Variants in NRG1 observed in about 807,000 individuals in gnomAD.
NRG1 encodes the protein neuregulin 1, also known as pro-neuregulin-1, membrane-bound isoform.
A neutral mutation model predicts 63.8 loss-of-function variants in NRG1; 18 were observed. The observed-to-expected ratio is 0.28, with a 90% CI of 0.19 to 0.42. NRG1 has a LOEUF of 0.42. Ranked by LOEUF, NRG1 falls within the 10% of genes least tolerant of loss-of-function variation. NRG1 has a pLI of 1.00. For missense variants in NRG1, 762 were observed against 814.7 expected (o/e 0.94, Z 0.79); for synonymous variants, 302 against 301.3 (o/e 1.00, Z -0.02).
intron 1 of NRG1, among the ~76,000 whole-genome samples, chr8:32,378,866 G>A (rs1032501092): frequency 3.3e-5 from 5 of 150,312 alleles, no homozygotes; most frequent in Non-Finnish European, 5.9e-5. Context: ...GAGAAAATGC[G>A]GTGTTTGGCT....
intron 1 of NRG1, among the ~76,000 whole-genome samples, chr8:31,995,411 G>T (rs1187658263): frequency 6.6e-6 from 1 of 151,854 alleles, no homozygotes; most frequent in Admixed American, 6.6e-5. Context: ...TTTCACTAAT[G>T]AATTTAGGCA....
intron 1 of NRG1, among the ~76,000 whole-genome samples, chr8:32,463,851 A>C (rs1382584470): frequency 7.3e-6 from 1 of 136,980 alleles, no homozygotes. Flanking sequence ...CTTCACACAC[A>C]CACACGAAAA....
intron 1 of NRG1, among the ~76,000 whole-genome samples, chr8:32,146,093 A>T (rs968686817): frequency 3.3e-5 from 5 of 152,210 alleles, no homozygotes; most frequent in African/African-American, 1.2e-4. Flanking sequence ...CAAATGGGAA[A>T]TCTAATTGCC....
At chr8:31,797,782 C>T (rs1180310434) in intron 1 of NRG1, among the ~76,000 whole-genome samples, 2 of 152,154 alleles carry the variant, frequency 1.3e-5, no homozygotes, top group Non-Finnish European at 2.9e-5. Context: ...GATATAGAAT[C>T]CACCTAGGTG....
chr8:32,265,580 C>A (rs1850843043), intron 1 of NRG1, among the ~76,000 whole-genome samples: 1 of 152,078 alleles, frequency 6.6e-6, no homozygotes, highest in Non-Finnish European at 1.5e-5. Flanking sequence ...CAATAGCTCA[C>A]ACCTATAATC....
chr8:31,826,479 T>C (rs1490485594), intron 1 of NRG1, among the ~76,000 whole-genome samples: 1 of 152,212 alleles, frequency 6.6e-6, no homozygotes, highest in Non-Finnish European at 1.5e-5. Flanking sequence ...TGCTCCTCCT[T>C]CGTCTTCCGC....
intron 1 of NRG1, among the ~76,000 whole-genome samples, chr8:31,875,273 A>G (rs1829823065): frequency 6.6e-6 from 1 of 152,166 alleles, no homozygotes; most frequent in African/African-American, 2.4e-5. Context: ...GGGCAACTGT[A>G]TTCTCCGAAT....
intron 1 of NRG1, among the ~76,000 whole-genome samples, chr8:31,779,778 A>T (rs889138370): frequency 6.6e-6 from 1 of 152,226 alleles, no homozygotes; most frequent in African/African-American, 2.4e-5. Context: ...GCCTTTAGGC[A>T]AATTATTAAA....
intron 1 of NRG1, among the ~76,000 whole-genome samples, chr8:32,048,183 C>G (rs1821319867): frequency 6.6e-6 from 1 of 151,566 alleles, no homozygotes; most frequent in South Asian, 2.1e-4. Context: ...CATATCTTGA[C>G]TATTGTGAAT....
intron 1 of NRG1, among the ~76,000 whole-genome samples, chr8:31,749,921 T>C (rs551489745): frequency 2.4e-4 from 37 of 151,992 alleles, no homozygotes; most frequent in South Asian, 1.2e-3. Context: ...AATTCATGCC[T>C]CTGCATAATA....
At chr8:32,656,030 T>G (rs1440872364) in intron 5 of NRG1, among the ~76,000 whole-genome samples, 2 of 152,150 alleles carry the variant, frequency 1.3e-5, no homozygotes, top group Non-Finnish European at 2.9e-5. Context: ...ATGAGTTGTT[T>G]TCAGCATTTG....
At chr8:32,211,590 A>T (rs1314531801) in intron 1 of NRG1, among the ~76,000 whole-genome samples, 1 of 152,186 alleles carries the variant, frequency 6.6e-6, no homozygotes, top group African/African-American at 2.4e-5. Flanking sequence ...AAAATTGTCC[A>T]GTCTAATGGG....
At chr8:32,547,590 A>AC (rs1833208040), upstream of NRG1, among the ~76,000 whole-genome samples, 120 of 148,492 alleles carry the variant, frequency 8.1e-4, no homozygotes, top group African/African-American at 2.8e-3. Context: ...GCACTTACTA[A>AC]ACACACACAC....
chr8:32,003,043 G>C (rs1211294565), intron 1 of NRG1, among the ~76,000 whole-genome samples: 1 of 152,004 alleles, frequency 6.6e-6, no homozygotes, highest in Non-Finnish European at 1.5e-5. Context: ...TTATCAACTA[G>C]AGAGTTTGAG....
intron 1 of NRG1, among the ~76,000 whole-genome samples, chr8:32,429,744 C>T (rs1817895920): frequency 1.3e-5 from 2 of 152,158 alleles, no homozygotes; most frequent in African/African-American, 2.4e-5. Context: ...AGACACTGGA[C>T]ATCCTACATC....
Position 32,759,291 on chromosome 8 carries a change from T to C in NRG1, c.922-15T>C. The C allele has an allele frequency of 6.2e-7, 1 of 1,611,414 alleles. No individual in the cohort carries two copies. Among genetic ancestry groups the C allele is most frequent in the Non-Finnish European group, 8.5e-7 (1 of 1,178,644 alleles). On this transcript the variant is annotated splice_polypyrimidine_tract_variant and intron_variant, in intron 9 of 11. Transcript: ENST00000356819. ...TCTACGTGAATCTTCAAGTTGTGTC[T>C]CTTTGTTTATCCAGCAATACGTATC...
At chr8:32,106,147 C>G (rs1388840546) in intron 1 of NRG1, among the ~76,000 whole-genome samples, 1 of 152,180 alleles carries the variant, frequency 6.6e-6, no homozygotes, top group Non-Finnish European at 1.5e-5. Context: ...TCTGTAAACA[C>G]CTGTGGAATC....
At chr8:32,498,794 G>T (rs894804243) in intron 1 of NRG1, among the ~76,000 whole-genome samples, 2 of 152,138 alleles carry the variant, frequency 1.3e-5, no homozygotes, top group African/African-American at 4.8e-5. Flanking sequence ...CTGATGGTGT[G>T]GGGGAGAGGG....
chr8:32,181,791 G>A (rs1585897646), intron 1 of NRG1, among the ~76,000 whole-genome samples: 1 of 152,046 alleles, frequency 6.6e-6, no homozygotes, highest in Non-Finnish European at 1.5e-5. Context: ...AGATAAAAAT[G>A]TATTACAGAG....
Sources: allele counts gnomAD v4.1 joint callset (sites outside exome capture counted in the v4.1 genomes callset), GRCh38; gene constraint gnomAD v4.1.1; transcripts MANE v1.5; gene names NCBI Gene and HGNC (gene_info 2026-07-23, HGNC 2026-07-21).